The following CSNK1G3 variants were observed in gnomAD, a reference collection of about 807,000 sequenced individuals.
CSNK1G3 encodes casein kinase I isoform gamma-3.
CSNK1G3 carries 23 observed loss-of-function variants against 64.3 expected under a neutral mutation model. That is an observed-to-expected ratio of 0.36 (90% CI 0.26 to 0.51). The LOEUF (loss-of-function observed/expected upper bound fraction) is 0.51. Among genes scored for constraint, CSNK1G3 ranks in the 20% least tolerant of loss-of-function variants. CSNK1G3 has a pLI of 0.96. For synonymous variants in CSNK1G3, 158 were observed against 162.2 expected, an observed-to-expected ratio of 0.97 and a Z score of 0.20; for missense variants, 357 against 510.5, an observed-to-expected ratio of 0.70 and a Z score of 2.90.
intron 4 of CSNK1G3, among the ~76,000 whole-genome samples, chr5:123,559,077 T>C (rs1310979441): frequency 6.6e-6 from 1 of 152,202 alleles, no homozygotes; most frequent in Non-Finnish European, 1.5e-5. Flanking sequence ...CAGCAAAAGT[T>C]GTAGGACTAA....
At position 123,573,999 on chromosome 5, in the gene CSNK1G3, G is replaced by A. The variant is rs543351905; in HGVS notation, c.438+458G>A. Among the ~76,000 whole-genome samples, 7 of 152,122 alleles carry A rather than the reference G, an allele frequency of 4.6e-5. No homozygotes were observed. The South Asian group carries it at 1.5e-3, about 32-fold the overall frequency. ...CGAGTAGCTGGGACAACAGGTGCAT[G>A]CCACTACGCCCGACCAATTTTTTGT... On this transcript the variant is annotated intron_variant, in intron 5 of 12. Coordinates refer to ENST00000345990, the Ensembl canonical transcript of CSNK1G3.
intron 4 of CSNK1G3, among the ~76,000 whole-genome samples, chr5:123,572,074 A>C (rs1439009556): frequency 6.6e-6 from 1 of 152,230 alleles, no homozygotes; most frequent in Non-Finnish European, 1.5e-5. Flanking sequence ...TTGGACAGGC[A>C]GTTCCTGGGC....
exon 13 of CSNK1G3, chr5:123,614,938 C>T (rs1749206527): frequency 6.6e-6 from 1 of 152,596 alleles, no homozygotes; most frequent in Non-Finnish European, 1.5e-5. Flanking sequence ...ATTCATAAGT[C>T]ATATTAACAT....
rs1179369953 is a variant in CSNK1G3 at position 123,614,557 on chromosome 5, T to A, written c.*161T>A. The A allele has an allele frequency of 7.0e-6, 4 of 569,678 alleles. No homozygotes were observed. In the East Asian group the frequency reaches 1.4e-4, roughly 19 times the overall value. 35.3% of individuals were successfully genotyped at this position (569,678 alleles called of 1,614,324 possible). ...CATTTTGTGGTTGTCTTACATTCTT[T>A]TTCTTTTTTTTTTTTTCTCTAATTT... is the stretch of plus-strand genomic sequence containing the variant. On this transcript the variant is annotated 3_prime_UTR_variant, in exon 13 of 13. Transcript: ENST00000345990.
chr5:123,598,305 T>G (rs1004547561), intron 10 of CSNK1G3, among the ~76,000 whole-genome samples: 5 of 152,144 alleles, frequency 3.3e-5, no homozygotes, highest in African/African-American at 1.2e-4. Flanking sequence ...AATTGCTAAG[T>G]GTTCATTATG....
At chr5:123,598,625 T>C (rs1361685403) in intron 10 of CSNK1G3, among the ~76,000 whole-genome samples, 1 of 151,808 alleles carries the variant, frequency 6.6e-6, no homozygotes, top group East Asian at 1.9e-4. Flanking sequence ...GAGAGACATA[T>C]TGAGGAAGCT....
At position 123,512,580 on chromosome 5, in the gene CSNK1G3, C is replaced by T. The variant is rs1423852582; in HGVS notation, c.-248+10C>T. On this transcript the variant is annotated intron_variant, in intron 1 of 12. Transcript: ENST00000345990. ...CGGCCGCGCCTTTGAGGTAAAGCCC[C>T]CTGCGCGTAGGTGCTCCGCTGCCAG... 1 of 151,114 alleles carries T rather than the reference C, an allele frequency of 6.6e-6. No homozygotes were observed. The highest frequency in any genetic ancestry group is 1.5e-5 in the Non-Finnish European group (1 of 67,674). 9.4% of individuals were successfully genotyped at this position (151,114 alleles called of 1,614,324 possible).
chr5:123,525,182 T>G (rs1778821313), intron 1 of CSNK1G3, among the ~76,000 whole-genome samples: 1 of 152,238 alleles, frequency 6.6e-6, no homozygotes, highest in African/African-American at 2.4e-5. Context: ...ATAATAGGTC[T>G]TTAATGATCA....
rs1255325132 is a variant in CSNK1G3, at chr5:123,518,198, A to G, written c.-248+5628A>G. 3.3e-5 allele frequency among the ~76,000 whole-genome samples: 5 copies of G among 152,364 alleles called. No homozygotes were observed. The East Asian group carries it at 9.6e-4, about 29-fold the overall frequency. On this transcript the variant is annotated intron_variant, in intron 1 of 12. Transcript: ENST00000345990. ...AAGGAGGAAATGTGACACCCTTGAT[A>G]TATACCAGGAGCACTTGAGCCTCCT...
At chr5:123,593,747 A>G (rs1792883499) in intron 10 of CSNK1G3, among the ~76,000 whole-genome samples, 1 of 152,106 alleles carries the variant, frequency 6.6e-6, no homozygotes, top group Non-Finnish European at 1.5e-5. Flanking sequence ...TTGATGACAT[A>G]CTTTATGCCA....
chr5:123,559,900 T>C (rs1441244132), intron 4 of CSNK1G3, among the ~76,000 whole-genome samples: 2 of 152,110 alleles, frequency 1.3e-5, no homozygotes, highest in Admixed American at 1.3e-4. Flanking sequence ...TTAGAGTAAC[T>C]CAACCTATAA....
intron 10 of CSNK1G3, among the ~76,000 whole-genome samples, chr5:123,597,882 A>G (rs1344517806): frequency 6.6e-6 from 1 of 152,164 alleles, no homozygotes; most frequent in Non-Finnish European, 1.5e-5. Context: ...TTTAGCATAG[A>G]TGTTGAGGCT....
At chr5:123,542,632 A>T (rs1466701104) in intron 1 of CSNK1G3, among the ~76,000 whole-genome samples, 1 of 152,144 alleles carries the variant, frequency 6.6e-6, no homozygotes, top group Non-Finnish European at 1.5e-5. Flanking sequence ...TTCTGAATTG[A>T]TCAACACCTG....
intron 12 of CSNK1G3, among the ~76,000 whole-genome samples, chr5:123,606,539 G>T (rs1317221134): frequency 6.6e-6 from 1 of 152,100 alleles, no homozygotes; most frequent in East Asian, 1.9e-4. Flanking sequence ...CTACTTCATA[G>T]GTTGAGAAAA....
chr5:123,528,153 A>G (rs898775953), intron 1 of CSNK1G3, among the ~76,000 whole-genome samples: 4 of 152,154 alleles, frequency 2.6e-5, no homozygotes, highest in East Asian at 1.9e-4. Context: ...AATGAAGAGA[A>G]TATGCATTTT....
At chr5:123,573,139 G>A (rs910245986) in intron 4 of CSNK1G3, among the ~76,000 whole-genome samples, 6 of 152,172 alleles carry the variant, frequency 3.9e-5, no homozygotes, top group Non-Finnish European at 8.8e-5. Context: ...GTGGTAGAGA[G>A]AAACAATGAA....
intron 1 of CSNK1G3, among the ~76,000 whole-genome samples, chr5:123,526,918 A>C (rs1249368188): frequency 4.1e-5 from 6 of 147,944 alleles, no homozygotes; most frequent in African/African-American, 1.5e-4. Context: ...TATGATCCTA[A>C]AGTTGGGATT....
chr5:123,588,442 G>A, exon 8 of CSNK1G3: 1 of 1,611,688 alleles, frequency 6.2e-7, no homozygotes, highest in Non-Finnish European at 8.5e-7. Flanking sequence ...CACATTAAAG[G>A]AGAGGTATCA....
At chr5:123,518,202 A>G (rs535062799) in intron 1 of CSNK1G3, among the ~76,000 whole-genome samples, 1 of 152,360 alleles carries the variant, frequency 6.6e-6, no homozygotes, top group Admixed American at 6.5e-5. Flanking sequence ...CTTGATATAT[A>G]CCAGGAGCAC....
Sources: allele counts gnomAD v4.1 joint callset (sites outside exome capture counted in the v4.1 genomes callset), GRCh38; gene constraint gnomAD v4.1.1; transcripts MANE v1.5; gene names NCBI Gene and HGNC (gene_info 2026-07-23, HGNC 2026-07-21).